PIK3R1: variants seen among roughly 807,000 people sequenced by gnomAD.
PIK3R1 encodes phosphatidylinositol 3-kinase regulatory subunit alpha.
Under a neutral mutation model 98.0 loss-of-function variants are expected in PIK3R1, and 29 were observed. The ratio of observed to expected loss-of-function variants is 0.30; its 90% CI spans 0.22 to 0.40. The LOEUF is 0.40. PIK3R1 is among the 10% of genes least tolerant of loss of function. The pLI is 1.00. For synonymous variants in PIK3R1, 282 were observed against 311.8 expected, an observed-to-expected ratio of 0.90 and a Z score of 1.01; for missense variants, 596 against 872.7, an observed-to-expected ratio of 0.68 and a Z score of 3.99.
At chr5:68,250,712 A>G (rs537350427) in intron 2 of PIK3R1, among the ~76,000 whole-genome samples, 1 of 152,306 alleles carries the variant, frequency 6.6e-6, no homozygotes, top group Non-Finnish European at 1.5e-5. Context: ...TGAGCTTTGG[A>G]AACACAATCC....
At chr5:68,234,173 T>G (rs1430989243) in intron 2 of PIK3R1, among the ~76,000 whole-genome samples, 1 of 152,254 alleles carries the variant, frequency 6.6e-6, no homozygotes, top group African/African-American at 2.4e-5. Context: ...AACGTTCTAG[T>G]TCCAGTGTTC....
intron 5 of PIK3R1, chr5:68,280,105 A>G (rs1193141894): frequency 6.4e-6 from 2 of 314,516 alleles, no homozygotes; most frequent in African/African-American, 2.2e-5. Context: ...CCATAACAGA[A>G]TGTGTTGAGG....
intron 2 of PIK3R1, among the ~76,000 whole-genome samples, chr5:68,232,786 T>TGGGAAA (rs1744531328): frequency 1.3e-5 from 2 of 152,218 alleles, no homozygotes; most frequent in African/African-American, 4.8e-5. Flanking sequence ...TTTTCAAAAA[T>TGGGAAA]GGGAAAAGGG....
At chr5:68,232,821 T>A (rs1051634619) in intron 2 of PIK3R1, among the ~76,000 whole-genome samples, 6 of 152,234 alleles carry the variant, frequency 3.9e-5, no homozygotes, top group Non-Finnish European at 7.3e-5. Flanking sequence ...ATGTATATCC[T>A]AAGTAAAGCC....
At position 68,262,614 on chromosome 5, in the gene PIK3R1, C is replaced by CCT. The variant is rs1384478125; in HGVS notation, c.335-10776_335-10775insCT. Among the ~76,000 whole-genome samples the CCT allele has an allele frequency of 8.0e-4, 109 of 136,492 alleles. 1 individual carries two copies. The highest frequency in any genetic ancestry group is 1.3e-3 in the Non-Finnish European group (82 of 64,502). The allele number at this position is 136,492 out of a possible 152,430, so 89.5% of individuals were successfully genotyped here. On this transcript the variant is annotated intron_variant, in intron 2 of 15. Transcript: ENST00000521381. ...GTATCTGCATGTATACACATGTATA[C>CCT]ACATGTAGATGCATGTATACACATG... is the stretch of plus-strand genomic sequence containing the variant.
intron 2 of PIK3R1, among the ~76,000 whole-genome samples, chr5:68,245,321 A>T (rs571889270): frequency 7.3e-4 from 109 of 150,158 alleles, no homozygotes; most frequent in East Asian, 3.1e-3. Context: ...CTTTTTTTTT[A>T]AAAAAAAATA....
chr5:68,274,621 A>T (rs1746499243), intron 4 of PIK3R1, among the ~76,000 whole-genome samples: 1 of 152,160 alleles, frequency 6.6e-6, no homozygotes, highest in Admixed American at 6.5e-5. Context: ...TTGTGGCATG[A>T]ATATTCCCAC....
intron 2 of PIK3R1, among the ~76,000 whole-genome samples, chr5:68,261,838 T>C (rs752072226): frequency 6.6e-6 from 1 of 152,220 alleles, no homozygotes. Context: ...TACTGAGGCC[T>C]AATCTGATAG....
At chr5:68,278,825 A>C (rs969682908) in intron 4 of PIK3R1, among the ~76,000 whole-genome samples, 2 of 152,170 alleles carry the variant, frequency 1.3e-5, no homozygotes, top group South Asian at 4.2e-4. Flanking sequence ...CTGTAATCCC[A>C]CCTACTCAGG....
At chr5:68,274,951 G>C (rs1488868456) in intron 4 of PIK3R1, among the ~76,000 whole-genome samples, 1 of 152,188 alleles carries the variant, frequency 6.6e-6, no homozygotes, top group East Asian at 1.9e-4. Context: ...GACTCCGTCA[G>C]AGGTATAATT....
intron 4 of PIK3R1, among the ~76,000 whole-genome samples, chr5:68,275,272 A>G (rs1331705136): frequency 2.0e-5 from 3 of 152,194 alleles, no homozygotes; most frequent in Non-Finnish European, 4.4e-5. Flanking sequence ...CATGCAGAAC[A>G]CTCAAGGTGA....
intron 2 of PIK3R1, among the ~76,000 whole-genome samples, chr5:68,237,009 A>G (rs940407352): frequency 5.3e-5 from 8 of 152,230 alleles, no homozygotes; most frequent in East Asian, 3.8e-4. Flanking sequence ...TGATAAATAG[A>G]TTTACCTTCG....
intron 1 of PIK3R1, among the ~76,000 whole-genome samples, chr5:68,222,558 CT>C (rs1287424482): frequency 6.6e-6 from 1 of 152,148 alleles, no homozygotes. Context: ...CTTTTATTCA[CT>C]AGTTTATGGA....
Position 68,226,650 on chromosome 5 carries a change from T to A in PIK3R1, c.-26T>A, listed in dbSNP as rs895844521. The A allele has an allele frequency of 1.9e-6, 3 of 1,582,446 alleles. No homozygotes were observed. The highest frequency in any genetic ancestry group is 2.6e-6 in the Non-Finnish European group (3 of 1,153,600). On this transcript the variant is annotated 5_prime_UTR_variant, in exon 2 of 16. Transcript: ENST00000521381. ...ACTGCTCTGTACAACCAGGCTCAAC[T>A]GTTGCATGGTAGCAGATTTGCAAAC...
intron 2 of PIK3R1, among the ~76,000 whole-genome samples, chr5:68,270,060 AT>A (rs879443792): frequency 1.3e-5 from 2 of 151,380 alleles, no homozygotes; most frequent in African/African-American, 2.4e-5. Context: ...ACCCATGTGT[AT>A]TTTTTTTTCT....
intron 2 of PIK3R1, among the ~76,000 whole-genome samples, chr5:68,246,983 T>G (rs1404907153): frequency 6.6e-6 from 1 of 152,240 alleles, no homozygotes; most frequent in African/African-American, 2.4e-5. Context: ...CTAAATTGTC[T>G]TAGCAATAAA....
chr5:68,285,449 CTGA>C (rs1176747513), intron 7 of PIK3R1, among the ~76,000 whole-genome samples: 2 of 152,156 alleles, frequency 1.3e-5, no homozygotes, highest in Admixed American at 1.3e-4. Context: ...AAAATGTGGT[CTGA>C]CATTAGAGGG....
chr5:68,264,864 C>G (rs746191536), intron 2 of PIK3R1, among the ~76,000 whole-genome samples: 1 of 152,204 alleles, frequency 6.6e-6, no homozygotes. Flanking sequence ...CTGCTAGTCT[C>G]TCTTTTGATA....
chr5:68,285,765 T>C (rs2112213966), intron 7 of PIK3R1, among the ~76,000 whole-genome samples: 1 of 152,310 alleles, frequency 6.6e-6, no homozygotes, highest in South Asian at 2.1e-4. Context: ...TGTGTCAGAG[T>C]TTATACATAC....
Sources: gnomAD v4.1 joint callset for allele counts (sites outside exome capture counted in the v4.1 genomes callset) on GRCh38, gnomAD v4.1.1 for gene constraint, MANE v1.5 for transcripts, NCBI Gene and HGNC (gene_info 2026-07-23, HGNC 2026-07-21) for gene names.